PRCC: variants seen among roughly 807,000 people sequenced by gnomAD.
The protein encoded by PRCC is proline rich mitotic checkpoint control factor.
Under a neutral mutation model 44.0 loss-of-function variants are expected in PRCC, and 10 were observed. The ratio of observed to expected loss-of-function variants is 0.23; its 90% confidence interval spans 0.14 to 0.39. PRCC has a LOEUF of 0.39. Ranked by LOEUF, PRCC falls within the 10% of genes least tolerant of loss-of-function variation. The pLI is 1.00. For synonymous variants in PRCC, 278 were observed against 259.5 expected (o/e 1.07, Z -0.69); for missense variants, 573 against 624.7 (o/e 0.92, Z 0.88).
chr1:156,780,139 C>T (rs912516206), intron 1 of PRCC, among the ~76,000 whole-genome samples: 10 of 152,166 alleles, frequency 6.6e-5, no homozygotes, highest in African/African-American at 2.2e-4. Context: ...TCACTGCAAC[C>T]TCTGCCTCCC....
chr1:156,791,891 C>A, intron 4 of PRCC, 99 bp downstream of exon 4: 1 of 1,096,724 alleles, frequency 9.1e-7, no homozygotes, highest in Non-Finnish European at 1.3e-6. Context: ...ACACAAAAGA[C>A]AAAACTGTAT....
rs1263048398 is a variant in PRCC at position 156,767,821 on chromosome 1, C to G, written c.50C>G (p.Ala17Gly). The part of the protein sequence containing the change: ...ASSDESEPDE[A>G]EPEPEEEEAV... ...AGCGATGAGAGCGAGCCGGATGAGG[C>G]TGAGCCCGAGCCGGAGGAAGAGGAG... Residue 17 changes from alanine (A) to glycine (G), a missense_variant, in exon 1 of 7, where the codon GCT becomes GGT. By Grantham distance (60) the Ala-to-Gly change is moderately conservative. Coordinates refer to ENST00000271526, the MANE Select transcript of PRCC (RefSeq NM_005973.5). 6.2e-7 allele frequency: 1 copy of G among 1,610,334 alleles called. No individual in the cohort carries two copies. Among genetic ancestry groups the G allele is most frequent in the East Asian group, 2.2e-5 (1 of 44,794 alleles).
intron 3 of PRCC, 164 bp from the exon 4 acceptor site, chr1:156,791,533 G>T: frequency 3.2e-6 from 2 of 622,434 alleles, no homozygotes; most frequent in Non-Finnish European, 5.6e-6. Context: ...TTGTAGGTCG[G>T]TCCTTGGGAT....
chr1:156,784,019 TCACTG>T, intron 2 of PRCC, among the ~76,000 whole-genome samples: 1 of 151,756 alleles, frequency 6.6e-6, no homozygotes, highest in Middle Eastern at 3.4e-3. Flanking sequence ...CGATCTTGGC[TCACTG>T]CAAGCTCCGC....
chr1:156,795,643 C>T (rs903272997), intron 5 of PRCC, among the ~76,000 whole-genome samples: 9 of 152,144 alleles, frequency 5.9e-5, no homozygotes, highest in African/African-American at 1.9e-4. Flanking sequence ...GAGGTGTGGG[C>T]ACAACAGCAC....
At chr1:156,774,112 G>A (rs948890222) in intron 1 of PRCC, among the ~76,000 whole-genome samples, 2 of 140,002 alleles carry the variant, frequency 1.4e-5, no homozygotes, top group African/African-American at 2.7e-5. Flanking sequence ...GGGATAAAGA[G>A]TTACTGTTTA....
rs752075364 is a variant in PRCC at position 156,767,884 on chromosome 1, T to C, written c.113T>C (p.Leu38Ser). 6.2e-7 allele frequency: 1 copy of C among 1,605,176 alleles called. No individual in the cohort carries two copies. The highest frequency in any genetic ancestry group is 8.5e-7 in the Non-Finnish European group (1 of 1,176,774). Reference sequence around the variant, plus strand: ...ACATCTGGGCCCGCTTTAGGGGGCTTGTTCGCTTCTCTCCCTGCGCCCAAG... The same window carrying C: ...ACATCTGGGCCCGCTTTAGGGGGCTCGTTCGCTTCTCTCCCTGCGCCCAAG... ...APTSGPALGG[L>S]FASLPAPKGP... Residue 38 changes from leucine to serine, a missense_variant, in exon 1 of 7, where the codon TTG becomes TCG. Around this residue, in one of 4 missense-constraint regions of PRCC, gnomAD observed 245 missense variants for 188.5 expected, o/e 1.30. Coordinates refer to ENST00000271526, the MANE Select transcript of PRCC (RefSeq NM_005973.5).
Position 156,767,972 on chromosome 1 carries a change from G to C in PRCC, c.201G>C (p.Leu67Phe). The change falls in exon 1 of 7, where the codon TTG becomes TTC. Residue 67 changes from leucine (L) to phenylalanine (F), a missense_variant. Around this residue, in one of 4 missense-constraint regions of PRCC, gnomAD observed 245 missense variants for 188.5 expected, o/e 1.30. Coordinates refer to ENST00000271526, the MANE Select transcript of PRCC (RefSeq NM_005973.5). ...CGCCAGCCTTTCCCCCGCCGCTGTT[G>C]CTTCCCCCACCCACCGGAGACCCCA... Reference protein sequence around the residue: ...MLAPAFPPPLLLPPPTGDPRL... With the variant: ...MLAPAFPPPLFLPPPTGDPRL... 5 of 1,580,034 alleles carry C rather than the reference G, an allele frequency of 3.2e-6. No individual in the cohort carries two copies. The highest frequency in any genetic ancestry group is 1.2e-5 in the South Asian group (1 of 86,942).
At chr1:156,778,874 A>G (rs1162601545) in intron 1 of PRCC, among the ~76,000 whole-genome samples, 1 of 151,110 alleles carries the variant, frequency 6.6e-6, no homozygotes, top group Non-Finnish European at 1.5e-5. Context: ...ATCTCGGCTC[A>G]CTACAACCTC....
intron 3 of PRCC, chr1:156,791,399 G>C (rs1343466473): frequency 1.9e-5 from 9 of 475,448 alleles, no homozygotes; most frequent in Non-Finnish European, 3.1e-5. Flanking sequence ...TTAGGAAGTA[G>C]CTGAGGGAGC....
intron 5 of PRCC, among the ~76,000 whole-genome samples, chr1:156,795,079 GCTT>G (rs1652610576): frequency 6.6e-6 from 1 of 152,074 alleles, no homozygotes; most frequent in African/African-American, 2.4e-5. Flanking sequence ...TGTGGTTGTG[GCTT>G]CTTCTCAGGC....
chr1:156,768,033 G>T lies in PRCC; in HGVS notation c.262G>T (p.Gly88Ter), dbSNP rs745333923. 1 of 1,574,942 alleles carries T rather than the reference G, an allele frequency of 6.3e-7. No individual in the cohort carries two copies. Among genetic ancestry groups the T allele is most frequent in the South Asian group, 1.2e-5 (1 of 86,456 alleles). The change falls in exon 1 of 7, where the codon GGA becomes TGA. Residue 88 changes from glycine (G) to a stop codon, truncating the protein, a stop_gained. Transcript: ENST00000271526. LOFTEE classifies it high-confidence loss of function. ...TCCTCCCCCCTTGCCCTTCGGCCTG[G>T]GAGGCTTCCCCCCACCTCCAGGCGT... ...QPPPPLPFGL[G>*]GFPPPPGVSP...
chr1:156,798,876 C>T (rs757000448), intron 6 of PRCC, among the ~76,000 whole-genome samples: 1 of 150,464 alleles, frequency 6.6e-6, no homozygotes, highest in African/African-American at 2.5e-5. Context: ...TGACATTGTA[C>T]GCAATGAAAA....
intron 1 of PRCC, among the ~76,000 whole-genome samples, chr1:156,775,017 G>A (rs1174304573): frequency 1.3e-5 from 2 of 151,818 alleles, no homozygotes; most frequent in African/African-American, 4.8e-5. Context: ...GGGAGGCTGA[G>A]GTGGGCGGAT....
intron 1 of PRCC, 29 bp downstream of exon 1, chr1:156,768,268 C>T (rs1651495118): frequency 1.3e-6 from 2 of 1,534,890 alleles, no homozygotes; most frequent in Non-Finnish European, 1.7e-6. Context: ...CACCCCCAAA[C>T]TGTCCATCGG....
rs746351796 is a variant in PRCC, at chr1:156,767,812, C to T, written c.41C>T (p.Pro14Leu). The T allele has an allele frequency of 5.6e-6, 9 of 1,609,764 alleles. No individual in the cohort carries two copies. The highest frequency in any genetic ancestry group is 1.3e-5 in the African/African-American group (1 of 74,878). The part of the protein sequence containing the change: ...VAYASSDESE[P>L]DEAEPEPEEE... ...TACGCCAGCAGCGATGAGAGCGAGC[C>T]GGATGAGGCTGAGCCCGAGCCGGAG... The change falls in exon 1 of 7, where the codon CCG becomes CTG. Residue 14 changes from proline to leucine, a missense_variant. By Grantham distance (98) the Pro-to-Leu change is moderately conservative. Coordinates refer to ENST00000271526, the MANE Select transcript of PRCC (RefSeq NM_005973.5).
intron 1 of PRCC, among the ~76,000 whole-genome samples, chr1:156,774,987 G>A (rs1351174435): frequency 6.7e-6 from 1 of 150,084 alleles, no homozygotes; most frequent in Non-Finnish European, 1.5e-5. Context: ...AGTGGCTCAT[G>A]CCTGTAATCC....
At chr1:156,769,724 CG>C (rs972584406) in intron 1 of PRCC, among the ~76,000 whole-genome samples, 1 of 143,030 alleles carries the variant, frequency 7.0e-6, no homozygotes, top group African/African-American at 3.1e-5. Context: ...CTCAGCCTCT[CG>C]AGTAGCTGGG....
chr1:156,778,548 A>G, intron 1 of PRCC, among the ~76,000 whole-genome samples: 1 of 151,534 alleles, frequency 6.6e-6, no homozygotes, highest in East Asian at 1.9e-4. Context: ...GTAAACACCT[A>G]GAGAAGTGGA....
Sources: gnomAD v4.1 joint callset for allele counts (sites outside exome capture counted in the v4.1 genomes callset) on GRCh38, gnomAD v4.1.1 for gene constraint, gnomAD v4.1.1 regional missense constraint, MANE v1.5 for transcripts, NCBI Gene and HGNC (gene_info 2026-07-23, HGNC 2026-07-21) for gene names.